The following GALNTL6 variants were observed in gnomAD, a reference collection of about 807,000 sequenced individuals.
GALNTL6 encodes the protein polypeptide N-acetylgalactosaminyltransferase-like 6.
A neutral mutation model predicts 73.7 loss-of-function variants in GALNTL6; 46 were observed. The observed-to-expected ratio is 0.62, with a 90% CI of 0.49 to 0.80. The LOEUF (loss-of-function observed/expected upper bound fraction) is 0.80, where lower values mean the gene tolerates loss of function less well. GALNTL6 is among the 30% of genes least tolerant of loss of function. The pLI, the probability that GALNTL6 is intolerant of heterozygous loss-of-function variation, is 0.00. For missense variants in GALNTL6, 604 were observed against 755.0 expected (o/e 0.80, Z 2.34); for synonymous variants, 259 against 263.7 (o/e 0.98, Z 0.17).
At chr4:172,784,257 A>G (rs1447442223) in intron 5 of GALNTL6, among the ~76,000 whole-genome samples, 2 of 152,086 alleles carry the variant, frequency 1.3e-5, no homozygotes, top group Non-Finnish European at 2.9e-5. Flanking sequence ...AAAAACCTGA[A>G]TCTTACATTT....
intron 5 of GALNTL6, among the ~76,000 whole-genome samples, chr4:172,443,121 CATATATATATATATATATATATATATAT>C (rs4048464): frequency 1.9e-4 from 10 of 52,022 alleles, no homozygotes; most frequent in Admixed American, 3.6e-4. Flanking sequence ...GATCCATATA[CATATATATATATATATATATATATATAT>C]ATATATATAT....
At chr4:172,043,418 G>A (rs1742141064) in intron 2 of GALNTL6, among the ~76,000 whole-genome samples, 1 of 151,980 alleles carries the variant, frequency 6.6e-6, no homozygotes, top group Non-Finnish European at 1.5e-5. Flanking sequence ...CTTCAATATT[G>A]GAAGAGGCCA....
At chr4:172,128,620 T>C in intron 2 of GALNTL6, among the ~76,000 whole-genome samples, 1 of 152,254 alleles carries the variant, frequency 6.6e-6, no homozygotes, top group Non-Finnish European at 1.5e-5. Flanking sequence ...TTATTTTATC[T>C]TTTTTCCTCT....
At chr4:172,876,379 T>C (rs550617962) in intron 7 of GALNTL6, among the ~76,000 whole-genome samples, 1 of 152,342 alleles carries the variant, frequency 6.6e-6, no homozygotes, top group South Asian at 2.1e-4. Context: ...CTAGTTGGCC[T>C]TATTCCTTTT....
At chr4:171,905,603 G>C (rs985401124) in intron 2 of GALNTL6, among the ~76,000 whole-genome samples, 2 of 149,912 alleles carry the variant, frequency 1.3e-5, no homozygotes, top group African/African-American at 2.5e-5. Flanking sequence ...AAGTCAACAA[G>C]GATACCCAGG....
chr4:172,284,448 T>C (rs1310579057), intron 3 of GALNTL6, among the ~76,000 whole-genome samples: 2 of 150,422 alleles, frequency 1.3e-5, no homozygotes, highest in Non-Finnish European at 3.0e-5. Context: ...CCCCTGCACC[T>C]ACCTTCTGAG....
intron 5 of GALNTL6, among the ~76,000 whole-genome samples, chr4:172,713,808 G>A (rs1734878103): frequency 6.6e-6 from 1 of 152,096 alleles, no homozygotes; most frequent in South Asian, 2.1e-4. Flanking sequence ...CATCGTTTTA[G>A]TTAAATCTGC....
intron 12 of GALNTL6, 102 bp from the exon 13 acceptor site, chr4:173,039,831 A>G (rs1753832830): frequency 1.2e-6 from 1 of 865,542 alleles, no homozygotes; most frequent in Non-Finnish European, 1.8e-6. Context: ...CAATAAATAT[A>G]TACTGAAATA....
chr4:171,874,397 C>T (rs1306044783), intron 2 of GALNTL6, among the ~76,000 whole-genome samples: 1 of 152,018 alleles, frequency 6.6e-6, no homozygotes, highest in Non-Finnish European at 1.5e-5. Context: ...ACAATGTTGG[C>T]CAGGCTGGTC....
At chr4:171,961,907 T>C (rs557657023) in intron 2 of GALNTL6, among the ~76,000 whole-genome samples, 1 of 152,342 alleles carries the variant, frequency 6.6e-6, no homozygotes, top group South Asian at 2.1e-4. Context: ...GATTTACTTA[T>C]TTTGCTTCAC....
intron 5 of GALNTL6, among the ~76,000 whole-genome samples, chr4:172,796,317 G>A (rs1456888981): frequency 6.6e-6 from 1 of 152,112 alleles, no homozygotes; most frequent in Non-Finnish European, 1.5e-5. Flanking sequence ...TCCAGGCACT[G>A]TTTTGCTGTG....
At chr4:172,981,143 A>G (rs960905625) in intron 10 of GALNTL6, among the ~76,000 whole-genome samples, 1 of 152,184 alleles carries the variant, frequency 6.6e-6, no homozygotes, top group African/African-American at 2.4e-5. Context: ...TATGCTTAAT[A>G]ATGCTGCTGT....
intron 2 of GALNTL6, among the ~76,000 whole-genome samples, chr4:172,130,920 C>T (rs1467650480): frequency 1.3e-5 from 2 of 152,124 alleles, no homozygotes; most frequent in Non-Finnish European, 2.9e-5. Context: ...TGGCCACTAT[C>T]CCTGTATTTC....
intron 2 of GALNTL6, among the ~76,000 whole-genome samples, chr4:171,959,233 G>T (rs942945202): frequency 6.6e-6 from 1 of 151,516 alleles, no homozygotes; most frequent in Non-Finnish European, 1.5e-5. Flanking sequence ...ATTTTTTTTT[G>T]AAAACAATAT....
chr4:172,061,740 AT>A lies in GALNTL6; in HGVS notation c.139-167914del, dbSNP rs142276093. On this transcript the variant is annotated intron_variant, in intron 2 of 12. Coordinates refer to ENST00000506823, the MANE Select transcript of GALNTL6 (RefSeq NM_001034845.3). ...AATAAGCTCCATGATTTTAAGTTCT[AT>A]TGCTTTAGGAGATGTCTTGATTTAT... Among the ~76,000 whole-genome samples the A allele has an allele frequency of 5.9e-3, 897 of 151,978 alleles. 15 individuals carry two copies. Among genetic ancestry groups the A allele is most frequent in the African/African-American group, 0.02 (837 of 41,440 alleles).
chr4:172,564,444 C>G (rs1167357521), intron 5 of GALNTL6, among the ~76,000 whole-genome samples: 7 of 152,130 alleles, frequency 4.6e-5, no homozygotes, highest in African/African-American at 1.7e-4. Flanking sequence ...GTATTTTCTA[C>G]TGTTCTGTGC....
At chr4:172,691,180 A>G (rs1018753861) in intron 5 of GALNTL6, among the ~76,000 whole-genome samples, 2 of 152,204 alleles carry the variant, frequency 1.3e-5, no homozygotes, top group Non-Finnish European at 2.9e-5. Context: ...TTCCCAGGTC[A>G]TCACCAACAT....
chr4:172,731,350 A>G (rs904270387), intron 5 of GALNTL6, among the ~76,000 whole-genome samples: 1 of 152,116 alleles, frequency 6.6e-6, no homozygotes, highest in Non-Finnish European at 1.5e-5. Context: ...GTAGTTGTTC[A>G]TGATAATCTG....
intron 5 of GALNTL6, among the ~76,000 whole-genome samples, chr4:172,426,345 A>T: frequency 6.9e-6 from 1 of 145,626 alleles, no homozygotes; most frequent in South Asian, 2.3e-4. Context: ...TCCATAGCAG[A>T]GTTTTTTTAA....
Sources: gnomAD v4.1 joint callset for allele counts (sites outside exome capture counted in the v4.1 genomes callset) on GRCh38, gnomAD v4.1.1 for gene constraint, MANE v1.5 for transcripts, NCBI Gene and HGNC (gene_info 2026-07-23, HGNC 2026-07-21) for gene names.